Variants in AUTS2 observed in about 807,000 individuals in gnomAD.
AUTS2 encodes autism susceptibility gene 2 protein.
A neutral mutation model predicts 112.4 loss-of-function variants in AUTS2; 17 were observed. That is an observed-to-expected ratio of 0.15 (90% CI 0.10 to 0.23). The LOEUF is 0.23. Among genes scored for constraint, AUTS2 ranks in the 10% least tolerant of loss-of-function variants. The pLI, the probability that AUTS2 is intolerant of heterozygous loss-of-function variation, is 1.00. For missense variants in AUTS2, 1,510 were observed against 1,701.6 expected, an observed-to-expected ratio of 0.89 and a Z score of 1.98; for synonymous variants, 751 against 702.7, an observed-to-expected ratio of 1.07 and a Z score of -1.09.
At chr7:70,245,142 G>A (rs373196236) in intron 4 of AUTS2, among the ~76,000 whole-genome samples, 13,586 of 70,324 alleles carry the variant, frequency 0.19, 917 homozygotes, top group South Asian at 0.26. Context: ...AAGTGTGTGT[G>A]TGTATATATA....
intron 2 of AUTS2, among the ~76,000 whole-genome samples, chr7:69,908,027 C>G (rs185755109): frequency 5.9e-5 from 9 of 152,286 alleles, no homozygotes; most frequent in Non-Finnish European, 1.0e-4. Flanking sequence ...AAGGAATGAC[C>G]TCCCTCTTGG....
intron 1 of AUTS2, among the ~76,000 whole-genome samples, chr7:69,831,223 A>G (rs978058027): frequency 6.6e-6 from 1 of 152,118 alleles, no homozygotes; most frequent in Non-Finnish European, 1.5e-5. Context: ...TCATTGTGCT[A>G]TTTAGTGCAA....
At chr7:70,538,805 T>C (rs1800428016) in intron 5 of AUTS2, among the ~76,000 whole-genome samples, 1 of 152,236 alleles carries the variant, frequency 6.6e-6, no homozygotes, top group South Asian at 2.1e-4. Context: ...AGAAAATGTT[T>C]CATAGAACAT....
At chr7:69,785,864 C>T (rs1468163971) in intron 1 of AUTS2, among the ~76,000 whole-genome samples, 1 of 152,126 alleles carries the variant, frequency 6.6e-6, no homozygotes, top group Non-Finnish European at 1.5e-5. Context: ...AAATTTTACT[C>T]TTGTTGCCCA....
chr7:70,680,461 C>T (rs1808151679), intron 5 of AUTS2, among the ~76,000 whole-genome samples: 1 of 152,198 alleles, frequency 6.6e-6, no homozygotes, highest in Non-Finnish European at 1.5e-5. Flanking sequence ...TACAATAGCC[C>T]TGCAAACAGT....
intron 1 of AUTS2, among the ~76,000 whole-genome samples, chr7:69,750,165 A>G (rs1306944741): frequency 6.6e-6 from 1 of 152,072 alleles, no homozygotes; most frequent in Non-Finnish European, 1.5e-5. Flanking sequence ...GTAGTAGTAC[A>G]TGACCATGGT....
At chr7:70,714,637 C>T (rs1474275456) in intron 6 of AUTS2, among the ~76,000 whole-genome samples, 1 of 152,236 alleles carries the variant, frequency 6.6e-6, no homozygotes, top group South Asian at 2.1e-4. Context: ...CCCATTCTTT[C>T]AAGTCATTGA....
chr7:70,224,404 T>TA (rs1811659561), intron 4 of AUTS2, among the ~76,000 whole-genome samples: 1 of 130,134 alleles, frequency 7.7e-6, no homozygotes, highest in African/African-American at 2.9e-5. Flanking sequence ...CAATACAATA[T>TA]AATACCATAC....
chr7:70,523,143 C>T (rs752969445), intron 5 of AUTS2, among the ~76,000 whole-genome samples: 13 of 152,170 alleles, frequency 8.5e-5, no homozygotes, highest in Non-Finnish European at 1.6e-4. Flanking sequence ...TCTGGTAGCA[C>T]CTTTTTGATA....
intron 1 of AUTS2, among the ~76,000 whole-genome samples, chr7:69,717,576 G>A (rs1465903733): frequency 2.0e-5 from 3 of 152,174 alleles, no homozygotes; most frequent in East Asian, 1.9e-4. Flanking sequence ...AGAATGAAGG[G>A]TGCAGAATGA....
At chr7:70,102,304 G>A (rs1468062489) in intron 2 of AUTS2, among the ~76,000 whole-genome samples, 2 of 151,684 alleles carry the variant, frequency 1.3e-5, no homozygotes, top group Non-Finnish European at 2.9e-5. Context: ...ATTTTTAGTA[G>A]AGACGGGGTT....
chr7:70,785,916 A>AGC, intron 16 of AUTS2, 39 bp from the exon 17 acceptor site: 2 of 1,600,204 alleles, frequency 1.2e-6, no homozygotes, highest in Non-Finnish European at 1.7e-6. Context: ...CTCCCAGCAG[A>AGC]GCCCCTGACC....
At chr7:70,564,959 G>C (rs1034369982) in intron 5 of AUTS2, among the ~76,000 whole-genome samples, 4 of 152,162 alleles carry the variant, frequency 2.6e-5, no homozygotes, top group African/African-American at 7.2e-5. Flanking sequence ...TTAGCCGGGG[G>C]TGGTGGTGCT....
At chr7:70,682,423 A>G (rs1297009391) in intron 5 of AUTS2, among the ~76,000 whole-genome samples, 1 of 152,228 alleles carries the variant, frequency 6.6e-6, no homozygotes, top group Non-Finnish European at 1.5e-5. Flanking sequence ...CTTCTGCTTT[A>G]TCAAATAGAA....
intron 17 of AUTS2, among the ~76,000 whole-genome samples, chr7:70,786,344 G>C (rs759342794): frequency 2.0e-5 from 3 of 152,186 alleles, no homozygotes; most frequent in Non-Finnish European, 2.9e-5. Flanking sequence ...CAAGATTTTG[G>C]CTGCAGCTCA....
chr7:69,637,791 T>C (rs1303781918), intron 1 of AUTS2, among the ~76,000 whole-genome samples: 1 of 152,202 alleles, frequency 6.6e-6, no homozygotes, highest in African/African-American at 2.4e-5. Flanking sequence ...CTGTGGCATC[T>C]TGTATCAGGG....
At chr7:69,727,595 T>TA (rs1441126624) in intron 1 of AUTS2, among the ~76,000 whole-genome samples, 6 of 151,878 alleles carry the variant, frequency 4.0e-5, no homozygotes, top group African/African-American at 1.5e-4. Flanking sequence ...ACCTCAAAAA[T>TA]AAAAATAAAA....
At chr7:69,633,307 A>C (rs916357694) in intron 1 of AUTS2, among the ~76,000 whole-genome samples, 3 of 152,018 alleles carry the variant, frequency 2.0e-5, no homozygotes, top group Admixed American at 6.6e-5. Context: ...ATACACACAC[A>C]CACCCACCCA....
chr7:69,705,672 T>C (rs1299782347), intron 1 of AUTS2, among the ~76,000 whole-genome samples: 1 of 152,148 alleles, frequency 6.6e-6, no homozygotes. Context: ...TTTATAAGAG[T>C]TTATTTTCTG....
Sources: gnomAD v4.1 joint callset for allele counts (sites outside exome capture counted in the v4.1 genomes callset) on GRCh38, gnomAD v4.1.1 for gene constraint, MANE v1.5 for transcripts, NCBI Gene and HGNC (gene_info 2026-07-23, HGNC 2026-07-21) for gene names.